GRM7: variants seen among roughly 807,000 people sequenced by gnomAD.
GRM7 encodes the protein metabotropic glutamate receptor 7.
Under a neutral mutation model 84.5 loss-of-function variants are expected in GRM7, and 35 were observed. That is an observed-to-expected ratio of 0.41 (90% CI 0.32 to 0.55). The LOEUF is 0.55. GRM7 is among the 20% of genes least tolerant of loss of function. The pLI is 0.19. For missense variants in GRM7, 1,003 were observed against 1,194.6 expected (o/e 0.84, Z 2.36); for synonymous variants, 487 against 455.1 (o/e 1.07, Z -0.89).
At chr3:6,932,538 T>G (rs559757149) in intron 1 of GRM7, among the ~76,000 whole-genome samples, 4 of 152,234 alleles carry the variant, frequency 2.6e-5, no homozygotes, top group African/African-American at 9.6e-5. Flanking sequence ...TTGGGGATAA[T>G]AAAGGAAACA....
At chr3:6,904,883 G>A (rs1314221402) in intron 1 of GRM7, among the ~76,000 whole-genome samples, 1 of 151,826 alleles carries the variant, frequency 6.6e-6, no homozygotes, top group African/African-American at 2.4e-5. Context: ...ACCCTCCTTG[G>A]ATAATTTGTG....
At chr3:7,091,824 A>G (rs911738123) in intron 1 of GRM7, among the ~76,000 whole-genome samples, 2 of 150,884 alleles carry the variant, frequency 1.3e-5, no homozygotes, top group East Asian at 3.9e-4. Context: ...TAGCTACCTT[A>G]TGCTACATGG....
intron 2 of GRM7, among the ~76,000 whole-genome samples, chr3:7,149,549 C>T (rs980973018): frequency 6.6e-6 from 1 of 152,024 alleles, no homozygotes; most frequent in African/African-American, 2.4e-5. Context: ...CCTGCAGGCT[C>T]GAAAAAGTCA....
chr3:7,031,998 G>T (rs1227111887), intron 1 of GRM7, among the ~76,000 whole-genome samples: 1 of 152,138 alleles, frequency 6.6e-6, no homozygotes, highest in East Asian at 1.9e-4. Flanking sequence ...GGCATTAAGG[G>T]AAATGACAAT....
intron 8 of GRM7, among the ~76,000 whole-genome samples, chr3:7,609,686 C>T (rs891101989): frequency 9.9e-5 from 15 of 151,996 alleles, no homozygotes; most frequent in African/African-American, 3.6e-4. Flanking sequence ...GGAGAGGGGA[C>T]AGTGGATGAT....
intron 2 of GRM7, among the ~76,000 whole-genome samples, chr3:7,245,704 A>T (rs556621621): frequency 6.6e-5 from 10 of 152,048 alleles, no homozygotes; most frequent in Non-Finnish European, 7.4e-5. Context: ...AAGGGAAATG[A>T]TGCCTAATGA....
intron 1 of GRM7, among the ~76,000 whole-genome samples, chr3:7,145,607 G>C (rs998662443): frequency 1.3e-5 from 2 of 152,238 alleles, no homozygotes; most frequent in East Asian, 3.9e-4. Flanking sequence ...CAGCAGATGA[G>C]GGAGATAATG....
At chr3:7,166,883 A>T (rs62234883) in intron 2 of GRM7, among the ~76,000 whole-genome samples, 35,559 of 152,158 alleles carry the variant, frequency 0.23, 5,241 homozygotes, top group Non-Finnish European at 0.33. Flanking sequence ...GGAAATGAAT[A>T]AAATTTGACT....
chr3:7,496,978 G>A lies in GRM7; in HGVS notation c.1515+35256G>A, dbSNP rs371731928. On this transcript the variant is annotated intron_variant, in intron 7 of 9. Transcript: ENST00000357716. Reference sequence around the variant, plus strand: ...AATAAAAATTAAAGAATAAAAATAGGGTTAATACTAATACATCTATTCTCA... The same window carrying A: ...AATAAAAATTAAAGAATAAAAATAGAGTTAATACTAATACATCTATTCTCA... Among the ~76,000 whole-genome samples, 85 of 151,844 alleles carry A rather than the reference G, an allele frequency of 5.6e-4. 2 individuals carry two copies. The highest frequency in any genetic ancestry group is 1.6e-3 in the African/African-American group (65 of 41,444).
At position 7,139,626 on chromosome 3, in the gene GRM7, C is replaced by G. The variant is rs1017081920; in HGVS notation, c.520-6826C>G. Among the ~76,000 whole-genome samples, 128 of 151,986 alleles carry G rather than the reference C, an allele frequency of 8.4e-4. 1 individual carries two copies. The highest frequency in any genetic ancestry group is 3.1e-3 in the African/African-American group (127 of 41,518). On this transcript the variant is annotated intron_variant, in intron 1 of 9. Transcript: ENST00000357716. ...ATCTTCAAGGAAATAAATACATTTT[C>G]TTCTCCAAACAGGATTCTAGATCAA...
chr3:7,403,831 G>GGATAGATA lies in GRM7; in HGVS notation c.1034-11171_1034-11164dup, dbSNP rs537042589. On this transcript the variant is annotated intron_variant, in intron 4 of 9. Transcript: ENST00000357716. ...TAAGAATATGTGTGTGTGGATGGATGGATAGATAGATAGATAGATAGATAG... is the reference window on the plus strand; with the variant it reads ...TAAGAATATGTGTGTGTGGATGGATGGATAGATAGATAGATAGATAGATAGATAGATAG... Among the ~76,000 whole-genome samples the GGATAGATA allele has an allele frequency of 7.8e-3, 1,183 of 150,872 alleles. 14 individuals carry two copies. The highest frequency in any genetic ancestry group is 0.024 in the African/African-American group (990 of 41,188).
intron 4 of GRM7, among the ~76,000 whole-genome samples, chr3:7,338,538 G>T (rs527804397): frequency 6.6e-6 from 1 of 152,052 alleles, no homozygotes; most frequent in South Asian, 2.1e-4. Context: ...CTTAAAAAAA[G>T]ACATGTTCCT....
intron 8 of GRM7, among the ~76,000 whole-genome samples, chr3:7,675,285 G>A (rs148785157): frequency 6.6e-6 from 1 of 152,254 alleles, no homozygotes; most frequent in Non-Finnish European, 1.5e-5. Context: ...GGTTTTCAAA[G>A]TTGAAGACCC....
intron 9 of GRM7, among the ~76,000 whole-genome samples, chr3:7,734,251 G>T (rs3804808): frequency 2.0e-4 from 27 of 133,840 alleles, no homozygotes; most frequent in African/African-American, 7.1e-4. Flanking sequence ...CAGGGGCGGG[G>T]GGGGGGTTTC....
intron 1 of GRM7, among the ~76,000 whole-genome samples, chr3:6,970,983 A>AAAACAAAC (rs71063280): frequency 0.086 from 12,742 of 149,022 alleles, 625 homozygotes; most frequent in South Asian, 0.1. Context: ...CTCTGTCTCA[A>AAAACAAAC]AAACAAACAA....
At chr3:7,516,038 A>C (rs1447586556) in intron 7 of GRM7, among the ~76,000 whole-genome samples, 4 of 151,886 alleles carry the variant, frequency 2.6e-5, no homozygotes, top group Non-Finnish European at 5.9e-5. Context: ...ATGGTGGTAC[A>C]TGCCTGTGGT....
chr3:7,244,051 T>A (rs534672731), intron 2 of GRM7, among the ~76,000 whole-genome samples: 2 of 152,232 alleles, frequency 1.3e-5, no homozygotes, highest in East Asian at 1.9e-4. Flanking sequence ...GGTGAGTGAA[T>A]GTGAAGGCCT....
chr3:7,017,787 A>G (rs1227566373), intron 1 of GRM7, among the ~76,000 whole-genome samples: 1 of 152,172 alleles, frequency 6.6e-6, no homozygotes, highest in Non-Finnish European at 1.5e-5. Context: ...AGAACCACTG[A>G]CCTAGAGAAT....
intron 7 of GRM7, among the ~76,000 whole-genome samples, chr3:7,473,529 AG>A (rs1297926267): frequency 6.7e-6 from 1 of 149,144 alleles, no homozygotes; most frequent in East Asian, 2.0e-4. Context: ...AGAGAGAGAG[AG>A]AAACACCTTG....
Sources: allele counts gnomAD v4.1 joint callset (sites outside exome capture counted in the v4.1 genomes callset), GRCh38; gene constraint gnomAD v4.1.1; transcripts MANE v1.5; gene names NCBI Gene and HGNC (gene_info 2026-07-23, HGNC 2026-07-21).